The following SKA1 variants were observed in gnomAD, a reference collection of about 807,000 sequenced individuals.
The protein encoded by SKA1 is spindle and kinetochore associated complex subunit 1.
A neutral mutation model predicts 31.8 loss-of-function variants in SKA1; 20 were observed. The observed-to-expected ratio is 0.63, with a 90% CI of 0.44 to 0.91. The LOEUF (loss-of-function observed/expected upper bound fraction) is 0.91, where lower values mean the gene tolerates loss of function less well. Ranked by LOEUF, SKA1 falls within the 40% of genes least tolerant of loss-of-function variation. The probability of loss-of-function intolerance (pLI) is 0.00; values close to 1 mark genes in which losing one functional copy is unlikely to be tolerated. For missense variants in SKA1, 253 were observed against 298.2 expected, an observed-to-expected ratio of 0.85 and a Z score of 1.12; for synonymous variants, 88 against 100.5, an observed-to-expected ratio of 0.88 and a Z score of 0.74.
Position 50,382,186 on chromosome 18 carries a change from G to A in SKA1, c.271G>A (p.Val91Ile), listed in dbSNP as rs6507992. 0.64 allele frequency: 972,644 copies of A among 1,529,866 alleles called. 316,366 individuals carry two copies. Among genetic ancestry groups the A allele is most frequent in the East Asian group, 0.9 (35,123 of 38,986 alleles). 94.8% of individuals were successfully genotyped at this position (1,529,866 alleles called of 1,614,324 possible). Residue 91 changes from valine to isoleucine, a missense_variant, in exon 4 of 7, where the codon GTT becomes ATT. Val to Ile is a conservative substitution (Grantham distance 29). Coordinates refer to ENST00000285116, the MANE Select transcript of SKA1 (RefSeq NM_145060.4). The part of the protein sequence containing the change: ...YKDIEHLKEN[V>I]PSHLPQVTVT... ...AGACATAGAACATCTTAAAGAAAAC[G>A]TTCCTTCCCATTTGCCTCAAGTAAC...
rs1159538864 is a variant in SKA1, at chr18:50,392,994, G to C, written c.*747G>C. 4 of 152,186 alleles carry C rather than the reference G, an allele frequency of 2.6e-5. No homozygotes were observed. Among genetic ancestry groups the C allele is most frequent in the African/African-American group, 9.7e-5 (4 of 41,434 alleles). The allele number at this position is 152,186 out of a possible 1,614,324, so 9.4% of individuals were successfully genotyped here. A position where few individuals can be genotyped will look rare whatever the true frequency, so the allele number is the denominator to read the frequency against. ...TCCGCCCACCTCGGCCTCCCAAAGT[G>C]CTGGGATTACAGGCGTGAGCCACCG... On this transcript the variant is annotated 3_prime_UTR_variant, in exon 7 of 7. Transcript: ENST00000285116.
intron 5 of SKA1, among the ~76,000 whole-genome samples, chr18:50,387,415 A>G (rs1035676853): frequency 2.0e-5 from 3 of 152,148 alleles, no homozygotes; most frequent in African/African-American, 7.2e-5. Context: ...CCTGTTTTTA[A>G]AGTGGGTTGT....
chr18:50,385,514 A>AT (rs1412704921), intron 5 of SKA1, among the ~76,000 whole-genome samples, 161 bp downstream of exon 5: 1 of 152,226 alleles, frequency 6.6e-6, no homozygotes, highest in African/African-American at 2.4e-5. Context: ...TTTTTTGAAG[A>AT]TTTTTGTTGT....
intron 5 of SKA1, among the ~76,000 whole-genome samples, chr18:50,387,929 T>C (rs945542126): frequency 3.3e-5 from 5 of 152,246 alleles, no homozygotes; most frequent in Non-Finnish European, 5.9e-5. Flanking sequence ...TGTTAAAAGC[T>C]GGACAAGATG....
At chr18:50,390,134 A>G (rs1399583989) in intron 5 of SKA1, among the ~76,000 whole-genome samples, 2 of 152,206 alleles carry the variant, frequency 1.3e-5, no homozygotes, top group Non-Finnish European at 2.9e-5. Context: ...GAGCTGGGGT[A>G]TAAGAGTTTG....
At chr18:50,389,405 T>TG (rs2041339557) in intron 5 of SKA1, among the ~76,000 whole-genome samples, 2 of 147,822 alleles carry the variant, frequency 1.4e-5, no homozygotes, top group African/African-American at 5.1e-5. Flanking sequence ...TTTTTTACTT[T>TG]TTTTGTTTTT....
At chr18:50,386,319 G>A (rs2041307329) in intron 5 of SKA1, among the ~76,000 whole-genome samples, 1 of 152,148 alleles carries the variant, frequency 6.6e-6, no homozygotes, top group Non-Finnish European at 1.5e-5. Context: ...GATAGTCTTA[G>A]GAGGAGAGTC....
intron 5 of SKA1, among the ~76,000 whole-genome samples, chr18:50,386,938 T>C (rs151159962): frequency 1.2e-3 from 189 of 152,370 alleles, no homozygotes; most frequent in Non-Finnish European, 2.0e-3. Context: ...ATTGAAGCAA[T>C]CTTAGTTCCT....
Position 50,392,322 on chromosome 18 carries a change from AT to A in SKA1, c.*82del. 4 of 982,676 alleles carry A rather than the reference AT, an allele frequency of 4.1e-6. No individual in the cohort carries two copies. Among genetic ancestry groups the A allele is most frequent in the Non-Finnish European group, 5.4e-6 (4 of 746,150 alleles). 60.9% of individuals were successfully genotyped at this position (982,676 alleles called of 1,614,324 possible). ...TATTTCTATAATTTTCTTATATATA[AT>A]TTTTTTAACTTTTAATCTTTTTTGT... On this transcript the variant is annotated 3_prime_UTR_variant, in exon 7 of 7. Transcript: ENST00000285116.
At chr18:50,391,363 C>G in intron 6 of SKA1, 70 bp downstream of exon 6, 1 of 1,310,748 alleles carries the variant, frequency 7.6e-7, no homozygotes, top group African/African-American at 1.5e-5. Flanking sequence ...AGAAATGTAG[C>G]TAGTTCTAGA....
rs757017429 is a variant in SKA1 at position 50,382,092 on chromosome 18, G to A, written c.214-37G>A. The A allele has an allele frequency of 8.5e-6, 10 of 1,176,972 alleles. No individual in the cohort carries two copies. In the South Asian group the frequency reaches 1.3e-4, roughly 15 times the overall value. 72.9% of individuals were successfully genotyped at this position (1,176,972 alleles called of 1,614,324 possible). On this transcript the variant is annotated intron_variant, in intron 3 of 6. Transcript: ENST00000285116. ...GAATATCTTAAAACACACATGGGGA[G>A]GACAGAGACTTATTTGTGAGCACTT...
rs2041380488 is a variant in SKA1 at position 50,393,954 on chromosome 18, A to G, written c.*1707A>G. 6.6e-6 allele frequency: 1 copy of G among 152,150 alleles called. No homozygotes were observed. Among genetic ancestry groups the G allele is most frequent in the East Asian group, 1.9e-4 (1 of 5,184 alleles). The allele number at this position is 152,150 out of a possible 1,614,324, so 9.4% of individuals were successfully genotyped here. ...TTTGTGTCAATAATCCATCAGGCCT[A>G]TGTCAACAAGACATAATCCGTTAAC... On this transcript the variant is annotated 3_prime_UTR_variant, in exon 7 of 7. Coordinates refer to ENST00000285116, the MANE Select transcript of SKA1 (RefSeq NM_145060.4).
intron 5 of SKA1, among the ~76,000 whole-genome samples, chr18:50,388,091 A>T (rs2041325092): frequency 6.6e-6 from 1 of 151,340 alleles, no homozygotes; most frequent in African/African-American, 2.4e-5. Context: ...GTTTGTTTTG[A>T]TTTGTTTTGT....
chr18:50,388,538 G>GTCACTCAGCAGTTGGA, intron 5 of SKA1, among the ~76,000 whole-genome samples: 1 of 54,802 alleles, frequency 1.8e-5, no homozygotes, highest in Admixed American at 3.2e-4. Flanking sequence ...GTGTTGGAGA[G>GTCACTCAGCAGTTGGA]GAGAAGCATT....
intron 4 of SKA1, among the ~76,000 whole-genome samples, chr18:50,383,187 C>T (rs1268883678): frequency 1.3e-5 from 2 of 152,288 alleles, no homozygotes; most frequent in Middle Eastern, 3.4e-3. Flanking sequence ...CTGTCATTGC[C>T]ACCACACCTA....
At chr18:50,378,729 A>G (rs2041241236) in intron 2 of SKA1, among the ~76,000 whole-genome samples, 1 of 152,000 alleles carries the variant, frequency 6.6e-6, no homozygotes, top group African/African-American at 2.4e-5. Context: ...TTAGGTGACT[A>G]AAAGTTGAGA....
rs144862836 is a variant in SKA1 at position 50,386,097 on chromosome 18, G to T, written c.449+744G>T. On this transcript the variant is annotated intron_variant, in intron 5 of 6. Coordinates refer to ENST00000285116, the MANE Select transcript of SKA1 (RefSeq NM_145060.4). ...TATGTAACAGGTATTTCTTATACCT[G>T]TTATTATAGCAATGTAGTTATACTG... is the stretch of plus-strand genomic sequence containing the variant. Among the ~76,000 whole-genome samples the T allele has an allele frequency of 4.5e-3, 680 of 152,162 alleles. 8 individuals carry two copies. Among genetic ancestry groups the T allele is most frequent in the African/African-American group, 0.015 (607 of 41,520 alleles).
At chr18:50,377,594 C>A (rs908509471) in intron 2 of SKA1, among the ~76,000 whole-genome samples, 9 of 152,144 alleles carry the variant, frequency 5.9e-5, no homozygotes, top group African/African-American at 1.7e-4. Context: ...TTCAGAGAAA[C>A]AGATGATCCT....
In SKA1 at chr18:50,391,219, CA is replaced by C; in HGVS notation, c.551del (p.Lys184SerfsTer3). 6.2e-7 allele frequency: 1 copy of C among 1,604,500 alleles called. No individual in the cohort carries two copies. Among genetic ancestry groups the C allele is most frequent in the African/African-American group, 1.3e-5 (1 of 74,348 alleles). ...AGTAAATATAAAATCCTACATCAGC[CA>C]AAAAAGTCTATGAATTCTGTGACCA... ...VISKYKILHQ[P>X]KKSMNSVTRN... On this transcript the variant is annotated frameshift_variant, in exon 6 of 7. Coordinates refer to ENST00000285116, the MANE Select transcript of SKA1 (RefSeq NM_145060.4). LOFTEE classifies it high-confidence loss of function.
Sources: gnomAD v4.1 joint callset for allele counts (sites outside exome capture counted in the v4.1 genomes callset) on GRCh38, gnomAD v4.1.1 for gene constraint, MANE v1.5 for transcripts, NCBI Gene and HGNC (gene_info 2026-07-23, HGNC 2026-07-21) for gene names.